The following DOC2B variants were observed in gnomAD, a reference collection of about 807,000 sequenced individuals.
DOC2B encodes double C2 domain beta.
Under a neutral mutation model 28.9 loss-of-function variants are expected in DOC2B, and 21 were observed. The observed-to-expected ratio is 0.73, with a 90% CI of 0.52 to 1.05. The LOEUF (loss-of-function observed/expected upper bound fraction) is 1.05. Ranked by LOEUF, DOC2B falls within the 50% of genes least tolerant of loss-of-function variation. The pLI is 0.00. For synonymous variants in DOC2B, 194 were observed against 178.1 expected (o/e 1.09, Z -0.71); for missense variants, 384 against 421.1 (o/e 0.91, Z 0.77).
At chr17:175,985 G>C (rs2040365386) in intron 1 of DOC2B, among the ~76,000 whole-genome samples, 1 of 152,250 alleles carries the variant, frequency 6.6e-6, no homozygotes, top group Non-Finnish European at 1.5e-5. Flanking sequence ...AGAAATGATA[G>C]TTTATAAATA....
chr17:157,991 T>C (rs2040154877), intron 5 of DOC2B, among the ~76,000 whole-genome samples: 2 of 152,190 alleles, frequency 1.3e-5, no homozygotes, highest in Admixed American at 6.5e-5. Context: ...CTGGAGCCTC[T>C]CAGGGTGCTG....
In DOC2B at chr17:143,982, C is replaced by T. The variant is rs2151454914; in HGVS notation, c.*3459G>A. 1 of 151,864 alleles carries T rather than the reference C, an allele frequency of 6.6e-6. No homozygotes were observed. Among genetic ancestry groups the T allele is most frequent in the East Asian group, 2.0e-4 (1 of 5,072 alleles). The allele number at this position is 151,864 out of a possible 1,614,324, so 9.4% of individuals were successfully genotyped here. A position where few individuals can be genotyped will look rare whatever the true frequency, so the allele number is the denominator to read the frequency against. ...GGCCCGGGCTCGGCGGGCGGACGGG[C>T]CGGGGCGCAGTTCCCCGCGCTCGCC... On this transcript the variant is annotated 3_prime_UTR_variant, in exon 9 of 9. Transcript: ENST00000613549.
chr17:160,089 A>C (rs994786370), intron 5 of DOC2B, among the ~76,000 whole-genome samples: 1 of 150,392 alleles, frequency 6.6e-6, no homozygotes, highest in African/African-American at 2.4e-5. Context: ...GGTTCAAGCG[A>C]TTCTCCTGCC....
At chr17:159,299 T>G (rs535114579) in intron 5 of DOC2B, among the ~76,000 whole-genome samples, 71 of 152,032 alleles carry the variant, frequency 4.7e-4, no homozygotes, top group African/African-American at 1.6e-3. Flanking sequence ...GAGACTTGCC[T>G]GGCCAACATG....
chr17:174,800 T>C (rs1050728697), intron 1 of DOC2B, among the ~76,000 whole-genome samples: 2 of 152,236 alleles, frequency 1.3e-5, no homozygotes, highest in Non-Finnish European at 1.5e-5. Context: ...TGATACTTGT[T>C]GGAAGTGTGT....
At chr17:173,693 T>C (rs1355220520) in intron 1 of DOC2B, among the ~76,000 whole-genome samples, 1 of 152,094 alleles carries the variant, frequency 6.6e-6, no homozygotes, top group African/African-American at 2.4e-5. Context: ...GAGGAGGTGA[T>C]GCTTCACCTG....
chr17:168,772 G>A (rs1166433505), intron 2 of DOC2B, among the ~76,000 whole-genome samples: 4 of 152,208 alleles, frequency 2.6e-5, no homozygotes, highest in Admixed American at 1.3e-4. Flanking sequence ...GGGGAAACCC[G>A]TTTTCCTTGG....
At chr17:162,514 C>G (rs1363691585) in intron 3 of DOC2B, among the ~76,000 whole-genome samples, 2 of 152,206 alleles carry the variant, frequency 1.3e-5, no homozygotes, top group East Asian at 3.9e-4. Flanking sequence ...GAAGGGGCCA[C>G]AAGCCCAGGA....
At chr17:158,914 GCA>G (rs1367495044) in intron 5 of DOC2B, among the ~76,000 whole-genome samples, 29 of 148,882 alleles carry the variant, frequency 1.9e-4, no homozygotes, top group African/African-American at 7.0e-4. Flanking sequence ...GTGTGGTGGC[GCA>G]TGCCTGTAAT....
chr17:178,951 C>A (rs2040401055), intron 1 of DOC2B, among the ~76,000 whole-genome samples: 1 of 152,200 alleles, frequency 6.6e-6, no homozygotes. Context: ...CAGTCCCACC[C>A]CAGAACCTGT....
At chr17:179,872 G>T (rs142975353) in intron 1 of DOC2B, among the ~76,000 whole-genome samples, 4,137 of 152,394 alleles carry the variant, frequency 0.027, 189 homozygotes, top group African/African-American at 0.095. Context: ...CCCCTACAGG[G>T]GCCCTGCTCT....
intron 3 of DOC2B, among the ~76,000 whole-genome samples, chr17:162,450 G>C (rs538072434): frequency 6.6e-6 from 1 of 152,220 alleles, no homozygotes; most frequent in African/African-American, 2.4e-5. Flanking sequence ...AGTCAGGGAC[G>C]TCACCAAGGA....
At chr17:158,624 A>G (rs1555522856) in intron 5 of DOC2B, among the ~76,000 whole-genome samples, 1 of 152,206 alleles carries the variant, frequency 6.6e-6, no homozygotes, top group East Asian at 1.9e-4. Flanking sequence ...TCAGGCAGCC[A>G]TTCCTGGTGG....
intron 1 of DOC2B, among the ~76,000 whole-genome samples, chr17:174,916 C>T (rs555654713): frequency 5.3e-5 from 8 of 152,234 alleles, no homozygotes; most frequent in East Asian, 1.9e-4. Context: ...CTCAGGAGTT[C>T]GAGACCAGCC....
intron 7 of DOC2B, among the ~76,000 whole-genome samples, chr17:148,820 CCA>C: frequency 6.6e-6 from 1 of 152,226 alleles, no homozygotes; most frequent in African/African-American, 2.4e-5. Flanking sequence ...TCCCCTTGCC[CCA>C]CACAGAGTTT....
At chr17:178,547 AC>A (rs745961227) in intron 1 of DOC2B, among the ~76,000 whole-genome samples, 55 of 152,270 alleles carry the variant, frequency 3.6e-4, no homozygotes, top group Middle Eastern at 6.8e-3. Flanking sequence ...CACAGAGGCC[AC>A]CCTAGGAGAA....
chr17:161,360 C>G, intron 5 of DOC2B, 55 bp downstream of exon 5: 1 of 1,534,550 alleles, frequency 6.5e-7, no homozygotes, highest in South Asian at 1.2e-5. Flanking sequence ...GTTCTGCCTT[C>G]CCAGCACCTG....
At chr17:169,299 A>G (rs2040285193) in intron 2 of DOC2B, among the ~76,000 whole-genome samples, 1 of 152,008 alleles carries the variant, frequency 6.6e-6, no homozygotes, top group African/African-American at 2.4e-5. Flanking sequence ...GGTCCCTAGA[A>G]TAGTCAAATC....
intron 1 of DOC2B, among the ~76,000 whole-genome samples, chr17:174,681 C>T (rs2040349398): frequency 1.3e-5 from 2 of 152,208 alleles, no homozygotes; most frequent in Admixed American, 1.3e-4. Flanking sequence ...CTTCATTTTT[C>T]TGCCTCTTCC....
Sources: gnomAD v4.1 joint callset for allele counts (sites outside exome capture counted in the v4.1 genomes callset) on GRCh38, gnomAD v4.1.1 for gene constraint, MANE v1.5 for transcripts, NCBI Gene and HGNC (gene_info 2026-07-23, HGNC 2026-07-21) for gene names.